The following DCTN1 variants were observed in gnomAD, a reference collection of about 807,000 sequenced individuals.
DCTN1 encodes the protein dynactin subunit 1.
A neutral mutation model predicts 161.2 loss-of-function variants in DCTN1; 61 were observed. That is an observed-to-expected ratio of 0.38 (90% confidence interval 0.31 to 0.47). The LOEUF (loss-of-function observed/expected upper bound fraction) is 0.47, where lower values mean the gene tolerates loss of function less well. DCTN1 is among the 20% of genes least tolerant of loss of function. DCTN1 has a pLI of 0.99. For missense variants in DCTN1, 1,404 were observed against 1,623.7 expected (o/e 0.86, Z 2.33); for synonymous variants, 653 against 632.4 (o/e 1.03, Z -0.49).
At position 74,370,641 on chromosome 2, in the gene DCTN1, T is replaced by C; in HGVS notation, c.1028A>G (p.Lys343Arg). 1 of 1,614,190 alleles carries C rather than the reference T, an allele frequency of 6.2e-7. No individual in the cohort carries two copies. The highest frequency in any genetic ancestry group is 8.5e-7 in the Non-Finnish European group (1 of 1,180,038). The part of the protein sequence containing the change: ...DELTTDLEIL[K>R]AEIEEKGSDG... ...CTTACCCTTCTCTTCAATCTCAGCCTTGAGGATCTCTAAGTCAGTAGTGAG... is the reference window on the plus strand; with the variant it reads ...CTTACCCTTCTCTTCAATCTCAGCCCTGAGGATCTCTAAGTCAGTAGTGAG... Residue 343 changes from lysine to arginine, a missense_variant, in exon 10 of 32, where the codon AAG becomes AGG. By Grantham distance (26) the Lys-to-Arg change is conservative. This residue lies in a region of DCTN1 where 278 missense variants were observed against 363.8 expected (regional missense o/e 0.76). Coordinates refer to ENST00000628224, the MANE Select transcript of DCTN1 (RefSeq NM_004082.5). This position sits in a 1 kb window ranked among gnomAD's most constrained non-coding sequence, Gnocchi z 4.4.
chr2:74,361,322 G>T lies in DCTN1; in HGVS notation c.*177C>A, dbSNP rs770516270. ...ATGGCAGAGGCCAGGGAATGGGAGT[G>T]GGGGAACCCGGGTCAAGGTGAAGGG... On this transcript the variant is annotated 3_prime_UTR_variant, in exon 32 of 32. Transcript: ENST00000628224. 4 of 878,708 alleles carry T rather than the reference G, an allele frequency of 4.6e-6. No homozygotes were observed. Among genetic ancestry groups the T allele is most frequent in the South Asian group, 2.8e-5 (2 of 70,268 alleles). The allele number at this position is 878,708 out of a possible 1,614,324, so 54.4% of individuals were successfully genotyped here.
intron 4 of DCTN1, 71 bp from the exon 5 acceptor site, chr2:74,376,833 G>A (rs1319642652): frequency 6.9e-6 from 10 of 1,446,624 alleles, no homozygotes; most frequent in Non-Finnish European, 9.6e-6. Context: ...GACCAACTCG[G>A]GCTTACACAG....
At chr2:74,383,625 CAGG>C (rs1210913281), upstream of DCTN1, 4 of 152,298 alleles carry the variant, frequency 2.6e-5, no homozygotes, top group African/African-American at 9.6e-5. Context: ...GAACCAGGAT[CAGG>C]AGGAGAAGAA....
At chr2:74,374,090 G>C (rs893250871) in intron 6 of DCTN1, 1 of 584,792 alleles carries the variant, frequency 1.7e-6, no homozygotes, top group Non-Finnish European at 3.2e-6. Flanking sequence ...TGAGGCCACT[G>C]GGTGTTAAGG....
chr2:74,364,799 A>T (rs1460984302), intron 26 of DCTN1: 2 of 489,486 alleles, frequency 4.1e-6, no homozygotes, highest in East Asian at 8.1e-5. Context: ...GTCAGATTAC[A>T]GAGCCAGAAA....
chr2:74,374,006 G>C (rs527391087), intron 6 of DCTN1, among the ~76,000 whole-genome samples: 1 of 152,336 alleles, frequency 6.6e-6, no homozygotes, highest in East Asian at 1.9e-4. Flanking sequence ...ACCTGGGCCT[G>C]CTTCCCTAGG....
At chr2:74,364,911 G>A (rs1674287653) in intron 26 of DCTN1, 164 bp downstream of exon 26, 14 of 837,646 alleles carry the variant, frequency 1.7e-5, no homozygotes, top group Non-Finnish European at 2.7e-5. Context: ...ATCTTCAGCG[G>A]AAGGGAAAAC....
Position 74,370,835 on chromosome 2 carries a change from A to T in DCTN1, c.844-10T>A, listed in dbSNP as rs1296162469. ...GCGCCTCCTTGGCTTCCTGAGGAAG[A>T]AGTGGAGGTGGGAGGGGGTACCAGC... On this transcript the variant is annotated splice_polypyrimidine_tract_variant and intron_variant, in intron 9 of 31. Transcript: ENST00000628224. The surrounding 1 kb of genome is among the most constrained non-coding windows in gnomAD (Gnocchi z 4.4). The T allele has an allele frequency of 6.2e-7, 1 of 1,614,172 alleles. No homozygotes were observed.
At chr2:74,383,092 A>AT (rs1476839448), upstream of DCTN1, among the ~76,000 whole-genome samples, 4 of 150,124 alleles carry the variant, frequency 2.7e-5, no homozygotes, top group African/African-American at 1.0e-4. Flanking sequence ...AAAAAAAAAA[A>AT]AATAAATAAA....
rs1675364952 is a variant in DCTN1, at chr2:74,378,679, T to A, written c.34-434A>T. On this transcript the variant is annotated intron_variant, in intron 1 of 31. Transcript: ENST00000628224. ...GGAAGACAGGCAATTCAGTGGGTGA[T>A]CCTACAGAATCCTGTTTCCCCTTCC... Among the ~76,000 whole-genome samples the A allele has an allele frequency of 3.3e-5, 5 of 152,306 alleles. No homozygotes were observed. In the South Asian group the frequency reaches 1.0e-3, roughly 32 times the overall value.
rs1219181097 is a variant in DCTN1 at position 74,362,090 on chromosome 2, T to C, written c.3661A>G (p.Thr1221Ala). The C allele has an allele frequency of 1.2e-6, 2 of 1,613,668 alleles. No individual in the cohort carries two copies. Among genetic ancestry groups the C allele is most frequent in the African/African-American group, 1.3e-5 (1 of 74,828 alleles). The change falls in exon 31 of 32, where the codon ACT becomes GCT. Residue 1221 changes from threonine (T) to alanine (A), a missense_variant. Thr to Ala is a moderately conservative substitution (Grantham distance 58). Around this residue, in one of 9 missense-constraint regions of DCTN1, gnomAD observed 311 missense variants for 298.9 expected, o/e 1.04. Coordinates refer to ENST00000628224, the MANE Select transcript of DCTN1 (RefSeq NM_004082.5). ...GATGAAGGGAAGGTGGCAAAGTCAGTGGGTACTGTGGCTCCAGGGCGCTGA... is the reference window on the plus strand; with the variant it reads ...GATGAAGGGAAGGTGGCAAAGTCAGCGGGTACTGTGGCTCCAGGGCGCTGA... Reference protein sequence around the residue: ...VSQRPGATVPTDFATFPSSAF... With the variant: ...VSQRPGATVPADFATFPSSAF...
intron 8 of DCTN1, 179 bp downstream of exon 8, chr2:74,371,358 A>C: frequency 2.2e-6 from 3 of 1,394,004 alleles, no homozygotes; most frequent in Non-Finnish European, 3.0e-6. Flanking sequence ...AAAGTATGGC[A>C]TAAGGGCAAG....
chr2:74,365,816 C>G, intron 24 of DCTN1, 77 bp downstream of exon 24: 11 of 1,613,516 alleles, frequency 6.8e-6, no homozygotes, highest in Non-Finnish European at 9.3e-6. Context: ...GTCTTGGTCC[C>G]GATCCCCAAC....
At chr2:74,362,232 A>AG (rs1674059437) in intron 30 of DCTN1, 91 bp from the exon 31 acceptor site, 8 of 1,129,720 alleles carry the variant, frequency 7.1e-6, no homozygotes, top group East Asian at 2.4e-5. Context: ...CACTAATACC[A>AG]GGGGGGCAGG....
At chr2:74,364,774 G>A in intron 26 of DCTN1, 1 of 441,450 alleles carries the variant, frequency 2.3e-6, no homozygotes, top group Non-Finnish European at 4.2e-6. Context: ...CTGGGATATA[G>A]GGCTGGGCAG....
rs982576341 is a variant in DCTN1, at chr2:74,369,744, C to T, written c.1392+221G>A. Among the ~76,000 whole-genome samples the T allele has an allele frequency of 2.0e-4, 29 of 144,794 alleles. No homozygotes were observed. Among genetic ancestry groups the T allele is most frequent in the South Asian group, 2.3e-4 (1 of 4,310 alleles). The allele number at this position is 144,794 out of a possible 152,430, so 95.0% of individuals were successfully genotyped here. ...AGGAGAATCGCTTGAACCTGGGAGG[C>T]GGAGGTTGCAGTGAGCCGAGATTAT... On this transcript the variant is annotated intron_variant, in intron 13 of 31. Transcript: ENST00000628224. This position sits in a 1 kb window ranked among gnomAD's most constrained non-coding sequence, Gnocchi z 4.9.
chr2:74,368,577 T>C (rs1278841034), intron 16 of DCTN1, 151 bp downstream of exon 16: 5 of 989,872 alleles, frequency 5.1e-6, no homozygotes, highest in East Asian at 5.2e-5. Context: ...CCATTTGTAA[T>C]ATATATTAAT....
Position 74,361,549 on chromosome 2 carries a change from C to A in DCTN1, c.3787G>T (p.Val1263Leu). 1.9e-6 allele frequency: 3 copies of A among 1,614,140 alleles called. No homozygotes were observed. Among genetic ancestry groups the A allele is most frequent in the Admixed American group, 1.7e-5 (1 of 60,032 alleles). Residue 1263 changes from valine (V) to leucine (L), a missense_variant, in exon 32 of 32, where the codon GTG becomes TTG. By Grantham distance (32) the Val-to-Leu change is conservative. This residue lies in a region of DCTN1 where 311 missense variants were observed against 298.9 expected (regional missense o/e 1.04). Coordinates refer to ENST00000628224, the MANE Select transcript of DCTN1 (RefSeq NM_004082.5). ...TGGTGCAGCTGCTCCTGGGTCAGCA[C>A]CAGCCGGTGTCGCTGTCCAAAACCA... ...AAGFGQRHRL[V>L]LTQEQLHQLH...
In DCTN1 at chr2:74,367,826, A is replaced by C. The variant is rs774272417; in HGVS notation, c.2054T>G (p.Val685Gly). 2.7e-5 allele frequency: 43 copies of C among 1,614,064 alleles called. No homozygotes were observed. In the East Asian group the frequency reaches 9.6e-4, roughly 36 times the overall value. Residue 685 changes from valine to glycine, a missense_variant, in exon 18 of 32, where the codon GTG (valine) becomes GGG (glycine). Coordinates refer to ENST00000628224, the MANE Select transcript of DCTN1 (RefSeq NM_004082.5). ...ACTCATCTCAGGGTACAGGCTGCCC[A>C]CTTTCTTATACACATCCACACTGCA... is the stretch of plus-strand genomic sequence containing the variant. The part of the protein sequence containing the change: ...SQCSVDVYKK[V>G]GSLYPEMSAH...
Sources: gnomAD v4.1 joint callset for allele counts (sites outside exome capture counted in the v4.1 genomes callset) on GRCh38, gnomAD v4.1.1 for gene constraint, gnomAD v4.1.1 regional missense constraint, Gnocchi (gnomAD v3.1) non-coding constraint, MANE v1.5 for transcripts, NCBI Gene and HGNC (gene_info 2026-07-23, HGNC 2026-07-21) for gene names.